The following PRC1 variants were observed in gnomAD, a reference collection of about 807,000 sequenced individuals.
PRC1 encodes the protein protein regulator of cytokinesis 1, also known as anaphase spindle elongation 1 homolog.
Under a neutral mutation model 91.2 loss-of-function variants are expected in PRC1, and 54 were observed. That is an observed-to-expected ratio of 0.59 (90% confidence interval 0.48 to 0.74). The LOEUF (loss-of-function observed/expected upper bound fraction) is 0.74. Ranked by LOEUF, PRC1 falls within the 30% of genes least tolerant of loss-of-function variation. The pLI, the probability that PRC1 is intolerant of heterozygous loss-of-function variation, is 0.00. For missense variants in PRC1, 727 were observed against 746.2 expected (o/e 0.97, Z 0.30); for synonymous variants, 275 against 263.6 (o/e 1.04, Z -0.42).
intron 3 of PRC1, chr15:90,983,753 C>G (rs1388724485): frequency 7.3e-6 from 2 of 272,836 alleles, no homozygotes; most frequent in East Asian, 1.4e-4. Flanking sequence ...AAAAAAAATT[C>G]ATATTCCCTA....
At chr15:90,985,968 G>T (rs1016921064) in intron 1 of PRC1, 3 of 152,162 alleles carry the variant, frequency 2.0e-5, no homozygotes, top group Non-Finnish European at 4.4e-5. Context: ...GATTACAGGC[G>T]TGAGCTACCA....
intron 14 of PRC1, chr15:90,968,001 G>A (rs2037678542): frequency 6.1e-6 from 6 of 985,216 alleles, no homozygotes; most frequent in African/African-American, 3.5e-5. Flanking sequence ...GCACATGGTA[G>A]AGCAGCAAAA....
chr15:90,978,753 CAAAAAA>C (rs869065052), intron 8 of PRC1, among the ~76,000 whole-genome samples: 15 of 39,702 alleles, frequency 3.8e-4, no homozygotes, highest in South Asian at 1.6e-3. Flanking sequence ...AACTCCACCT[CAAAAAA>C]AAAAAAAAAA....
At chr15:90,990,357 TA>T (rs1031943322) in intron 1 of PRC1, among the ~76,000 whole-genome samples, 2 of 147,468 alleles carry the variant, frequency 1.4e-5, no homozygotes, top group Non-Finnish European at 3.0e-5. Context: ...TAAAATAAAA[TA>T]AAAAATAAAA....
At chr15:90,990,968 G>A (rs1306095897) in intron 1 of PRC1, among the ~76,000 whole-genome samples, 1 of 151,074 alleles carries the variant, frequency 6.6e-6, no homozygotes, top group Non-Finnish European at 1.5e-5. Flanking sequence ...TAGTAGAGAC[G>A]GGGTTTCACC....
In PRC1 at chr15:90,974,388, C is replaced by T; in HGVS notation, c.1351-142G>A. On this transcript the variant is annotated intron_variant, in intron 10 of 14. Transcript: ENST00000394249. This position sits in a 1 kb window ranked among gnomAD's most constrained non-coding sequence, Gnocchi z 4.6. ...TGCCGCGGGCTCCCCGTTCCACAAG[C>T]CCCGGTCCCCGGCTCCCCGTTCCAC... The T allele has an allele frequency of 9.3e-7, 1 of 1,070,564 alleles. No individual in the cohort carries two copies. The highest frequency in any genetic ancestry group is 1.3e-6 in the Non-Finnish European group (1 of 745,926). 66.3% of individuals were successfully genotyped at this position (1,070,564 alleles called of 1,614,324 possible). A position where few individuals can be genotyped will look rare whatever the true frequency, so the allele number is the denominator to read the frequency against.
intron 1 of PRC1, among the ~76,000 whole-genome samples, chr15:90,986,676 C>T (rs1313047422): frequency 2.1e-5 from 3 of 146,332 alleles, no homozygotes; most frequent in Non-Finnish European, 4.4e-5. Flanking sequence ...GGATAAAGCT[C>T]AAATTATTAT....
At position 90,981,601 on chromosome 15, in the gene PRC1, G is replaced by T. The variant is rs766523382; in HGVS notation, c.570C>A (p.His190Gln). 4.3e-6 allele frequency: 7 copies of T among 1,613,818 alleles called. No individual in the cohort carries two copies. In the African/African-American group the frequency reaches 9.3e-5, roughly 22 times the overall value. ...QIILCMEALD[H>Q]TPDTSFERDV... Reference sequence around the variant, plus strand: ...CTCTTTCAAAGCTTGTGTCTGGGGTGTGGTCTAATGCTTCCATACACAGTA... The same window carrying T: ...CTCTTTCAAAGCTTGTGTCTGGGGTTTGGTCTAATGCTTCCATACACAGTA... The change falls in exon 5 of 15, where the codon CAC becomes CAA. Residue 190 changes from histidine to glutamine, a missense_variant. By Grantham distance (24) the His-to-Gln change is conservative (BLOSUM62 0). Transcript: ENST00000394249.
intron 1 of PRC1, chr15:90,987,491 CA>C (rs562068752): frequency 2.0e-5 from 3 of 152,096 alleles, no homozygotes; most frequent in Non-Finnish European, 2.9e-5. Flanking sequence ...CTTATTTTAA[CA>C]AAAAATTATT....
chr15:90,972,206 A>C (rs932458357), intron 11 of PRC1, among the ~76,000 whole-genome samples: 40 of 129,540 alleles, frequency 3.1e-4, no homozygotes, highest in South Asian at 7.8e-4. Flanking sequence ...AAAAAAAAAC[A>C]CCACCAACAA....
rs377007669 is a variant in PRC1 at position 90,975,022 on chromosome 15, G to A, written c.1204-291C>T. ...GGAAGATCAGCAATATGAAATAGGC[G>A]GTGAACATTAGGAGCAGGACTCTGA... On this transcript the variant is annotated intron_variant, in intron 9 of 14. Transcript: ENST00000394249. Among the ~76,000 whole-genome samples the A allele has an allele frequency of 5.9e-5, 9 of 152,316 alleles. No homozygotes were observed. The East Asian group carries it at 9.6e-4, about 16-fold the overall frequency.
At chr15:90,979,536 A>C (rs2039014178) in intron 7 of PRC1, among the ~76,000 whole-genome samples, 1 of 152,208 alleles carries the variant, frequency 6.6e-6, no homozygotes, top group African/African-American at 2.4e-5. Flanking sequence ...GTTGTCAAAA[A>C]TCTGCATCAT....
intron 11 of PRC1, among the ~76,000 whole-genome samples, chr15:90,972,200 A>AAAAC (rs1201517810): frequency 6.9e-6 from 1 of 145,874 alleles, no homozygotes; most frequent in Non-Finnish European, 1.5e-5. Flanking sequence ...AAAAAAAAAA[A>AAAAC]AAAACACCAC....
intron 9 of PRC1, among the ~76,000 whole-genome samples, chr15:90,975,400 A>T (rs1055530030): frequency 6.6e-6 from 1 of 152,198 alleles, no homozygotes; most frequent in Non-Finnish European, 1.5e-5. Flanking sequence ...CTAATTTCTT[A>T]GTACCTCAGT....
chr15:90,974,334 C>T lies in PRC1; in HGVS notation c.1351-88G>A, dbSNP rs539833867. 5 of 1,237,872 alleles carry T rather than the reference C, an allele frequency of 4.0e-6. No individual in the cohort carries two copies. In the East Asian group the frequency reaches 9.3e-5, roughly 23 times the overall value. 76.7% of individuals were successfully genotyped at this position (1,237,872 alleles called of 1,614,324 possible). Reference sequence around the variant, plus strand: ...CAGCAGCAGGGCCGGGAATCTAGGCCCGTGTCTCTACAGCCAGAGCTAAAG... The same window carrying T: ...CAGCAGCAGGGCCGGGAATCTAGGCTCGTGTCTCTACAGCCAGAGCTAAAG... On this transcript the variant is annotated intron_variant, in intron 10 of 14. Coordinates refer to ENST00000394249, the MANE Select transcript of PRC1 (RefSeq NM_003981.4). The surrounding 1 kb of genome is among the most constrained non-coding windows in gnomAD (Gnocchi z 4.6).
chr15:90,979,429 G>A (rs549063154), intron 7 of PRC1, 135 bp from the exon 8 acceptor site: 4 of 1,022,184 alleles, frequency 3.9e-6, no homozygotes, highest in Admixed American at 2.6e-5. Context: ...GCGTGTGTGT[G>A]TGTGTAATAG....
chr15:90,969,763 CATATATATATATATATAT>C (rs61067469), intron 12 of PRC1, 140 bp from the exon 13 acceptor site: 7,196 of 130,536 alleles, frequency 0.055, 548 homozygotes, highest in African/African-American at 0.17. Flanking sequence ...AAAAAAAAAA[CATATATATATATATATAT>C]ATATATATAT....
At chr15:90,975,087 T>A (rs997385726) in intron 9 of PRC1, among the ~76,000 whole-genome samples, 1 of 152,200 alleles carries the variant, frequency 6.6e-6, no homozygotes, top group Admixed American at 6.5e-5. Context: ...TCACCCTCTT[T>A]ACTGGCTGTG....
intron 1 of PRC1, among the ~76,000 whole-genome samples, chr15:90,986,203 T>A (rs1423297241): frequency 6.6e-6 from 1 of 152,124 alleles, no homozygotes. Flanking sequence ...AATGAACACA[T>A]ACGTTCACCA....
Sources: gnomAD v4.1 joint callset for allele counts (sites outside exome capture counted in the v4.1 genomes callset) on GRCh38, gnomAD v4.1.1 for gene constraint, Gnocchi (gnomAD v3.1) non-coding constraint, MANE v1.5 for transcripts, NCBI Gene and HGNC (gene_info 2026-07-23, HGNC 2026-07-21) for gene names.